The following CNTNAP2 variants were observed in gnomAD, a reference collection of about 807,000 sequenced individuals.
CNTNAP2 encodes the protein contactin associated protein 2, also known as contactin-associated protein-like 2.
Under a neutral mutation model 155.2 loss-of-function variants are expected in CNTNAP2, and 98 were observed. That is an observed-to-expected ratio of 0.63 (90% confidence interval 0.54 to 0.75). CNTNAP2 has a LOEUF of 0.75. CNTNAP2 is among the 30% of genes least tolerant of loss of function. The pLI, the probability that CNTNAP2 is intolerant of heterozygous loss-of-function variation, is 0.00. For synonymous variants in CNTNAP2, 651 were observed against 631.2 expected (o/e 1.03, Z -0.47); for missense variants, 1,727 against 1,688.1 (o/e 1.02, Z -0.40).
At chr7:146,535,996 A>T (rs1479903905) in intron 1 of CNTNAP2, among the ~76,000 whole-genome samples, 2 of 152,122 alleles carry the variant, frequency 1.3e-5, no homozygotes, top group Non-Finnish European at 2.9e-5. Context: ...CTTCATCAGG[A>T]ACTTCAGCAA....
intron 1 of CNTNAP2, among the ~76,000 whole-genome samples, chr7:146,765,716 A>G (rs1382208668): frequency 1.3e-5 from 2 of 152,242 alleles, no homozygotes; most frequent in African/African-American, 4.8e-5. Context: ...AAAACAAGAC[A>G]GTGTGATAGA....
At chr7:146,990,366 A>T (rs1290972949) in intron 3 of CNTNAP2, among the ~76,000 whole-genome samples, 1 of 152,148 alleles carries the variant, frequency 6.6e-6, no homozygotes, top group Non-Finnish European at 1.5e-5. Context: ...TACAAAAACA[A>T]GTGTATCCCC....
At chr7:147,338,881 G>T (rs1454980034) in intron 9 of CNTNAP2, among the ~76,000 whole-genome samples, 2 of 151,932 alleles carry the variant, frequency 1.3e-5, no homozygotes, top group Admixed American at 1.3e-4. Flanking sequence ...AAGAGGGCTG[G>T]GGGTAGGGGG....
At chr7:147,636,903 C>G (rs1440563576) in intron 12 of CNTNAP2, among the ~76,000 whole-genome samples, 1 of 152,126 alleles carries the variant, frequency 6.6e-6, no homozygotes, top group Non-Finnish European at 1.5e-5. Flanking sequence ...AAAGGAAAGG[C>G]TGGCACTGGA....
chr7:147,212,041 A>G (rs1318856014), intron 8 of CNTNAP2, among the ~76,000 whole-genome samples: 1 of 152,164 alleles, frequency 6.6e-6, no homozygotes, highest in Non-Finnish European at 1.5e-5. Context: ...TCAAAACTGC[A>G]ATGAGATATC....
At chr7:147,795,352 C>T (rs933752710) in intron 13 of CNTNAP2, among the ~76,000 whole-genome samples, 1 of 151,958 alleles carries the variant, frequency 6.6e-6, no homozygotes, top group East Asian at 1.9e-4. Flanking sequence ...TTTTTATTGA[C>T]ATATTTGTAC....
chr7:146,140,654 T>C (rs938939738), intron 1 of CNTNAP2, among the ~76,000 whole-genome samples: 19 of 152,278 alleles, frequency 1.2e-4, no homozygotes, highest in African/African-American at 4.3e-4. Flanking sequence ...ATTTCAGTTC[T>C]TGATAGGGAC....
intron 8 of CNTNAP2, among the ~76,000 whole-genome samples, chr7:147,180,758 A>G (rs779584093): frequency 2.0e-5 from 3 of 152,184 alleles, no homozygotes; most frequent in Non-Finnish European, 2.9e-5. Context: ...AAGCCAGCAT[A>G]CTTGTACGCT....
chr7:148,118,880 A>T (rs1804536015), intron 16 of CNTNAP2, among the ~76,000 whole-genome samples: 1 of 152,200 alleles, frequency 6.6e-6, no homozygotes, highest in Admixed American at 6.5e-5. Flanking sequence ...GCAAGAGAGG[A>T]TGCTGCTTAG....
intron 10 of CNTNAP2, among the ~76,000 whole-genome samples, chr7:147,402,790 C>G (rs35629574): frequency 1.3e-5 from 2 of 152,120 alleles, no homozygotes; most frequent in Admixed American, 6.6e-5. Flanking sequence ...CCTATCTGCT[C>G]TACACAGCCA....
chr7:147,707,941 T>A (rs1283673321), intron 13 of CNTNAP2, among the ~76,000 whole-genome samples: 2 of 152,026 alleles, frequency 1.3e-5, no homozygotes, highest in Non-Finnish European at 2.9e-5. Flanking sequence ...GGTGGTCAAC[T>A]TGGGTAGGTG....
At chr7:147,337,698 A>G (rs1795688613) in intron 9 of CNTNAP2, among the ~76,000 whole-genome samples, 1 of 152,266 alleles carries the variant, frequency 6.6e-6, no homozygotes, top group African/African-American at 2.4e-5. Context: ...GTAAGTTGTC[A>G]TCACAAAACA....
intron 2 of CNTNAP2, among the ~76,000 whole-genome samples, chr7:146,801,886 T>A (rs1488711417): frequency 6.6e-6 from 1 of 152,182 alleles, no homozygotes; most frequent in African/African-American, 2.4e-5. Context: ...GGTTCTAGAA[T>A]AAAATTATTA....
chr7:148,292,951 C>T (rs4726943), intron 21 of CNTNAP2, among the ~76,000 whole-genome samples: 120,263 of 152,016 alleles, frequency 0.79, 47,824 homozygotes, highest in South Asian at 0.91. Flanking sequence ...CCATCTACAC[C>T]GGCAAATTTT....
intron 13 of CNTNAP2, among the ~76,000 whole-genome samples, chr7:147,645,901 G>C (rs1222392075): frequency 1.3e-5 from 2 of 152,196 alleles, no homozygotes; most frequent in East Asian, 3.8e-4. Context: ...TAGTGAACTT[G>C]AAGGTGGGAG....
At chr7:148,030,614 G>T (rs976130936) in intron 15 of CNTNAP2, among the ~76,000 whole-genome samples, 3 of 146,986 alleles carry the variant, frequency 2.0e-5, no homozygotes, top group African/African-American at 5.0e-5. Context: ...CCATTCCTTT[G>T]TTTGTAGAGT....
intron 14 of CNTNAP2, among the ~76,000 whole-genome samples, chr7:147,919,070 C>T (rs1194164110): frequency 6.6e-6 from 1 of 152,072 alleles, no homozygotes; most frequent in Non-Finnish European, 1.5e-5. Context: ...CAGTAGTAGG[C>T]TCAGAGAGAT....
chr7:147,915,975 T>G (rs931844565), intron 14 of CNTNAP2, among the ~76,000 whole-genome samples: 1 of 152,178 alleles, frequency 6.6e-6, no homozygotes. Flanking sequence ...GTCTAACAGC[T>G]CAACTCTTTT....
chr7:147,161,297 G>T (rs530291411), intron 8 of CNTNAP2, among the ~76,000 whole-genome samples: 1 of 152,266 alleles, frequency 6.6e-6, no homozygotes, highest in South Asian at 2.1e-4. Context: ...GAGAATGTGG[G>T]ATAAGGATAA....
Sources: gnomAD v4.1 joint callset for allele counts (sites outside exome capture counted in the v4.1 genomes callset) on GRCh38, gnomAD v4.1.1 for gene constraint, MANE v1.5 for transcripts, NCBI Gene and HGNC (gene_info 2026-07-23, HGNC 2026-07-21) for gene names.